Variants in FNDC3B observed in about 807,000 individuals in gnomAD.
The protein encoded by FNDC3B is fibronectin type III domain-containing protein 3B.
A neutral mutation model predicts 151.5 loss-of-function variants in FNDC3B; 12 were observed. The observed-to-expected ratio is 0.08, with a 90% CI of 0.05 to 0.13. The LOEUF is 0.13. Among genes scored for constraint, FNDC3B ranks in the 10% least tolerant of loss-of-function variants. The probability of loss-of-function intolerance (pLI) is 1.00; values close to 1 mark genes in which losing one functional copy is unlikely to be tolerated. For synonymous variants in FNDC3B, 528 were observed against 549.0 expected, an observed-to-expected ratio of 0.96 and a Z score of 0.54; for missense variants, 1,214 against 1,505.3, an observed-to-expected ratio of 0.81 and a Z score of 3.20.
At chr3:172,103,942 CCTT>C (rs1178245822) in intron 1 of FNDC3B, among the ~76,000 whole-genome samples, 4 of 152,170 alleles carry the variant, frequency 2.6e-5, no homozygotes, top group East Asian at 1.9e-4. Flanking sequence ...TATCACCACT[CCTT>C]CTTTCCTTCA....
chr3:172,084,449 C>G (rs1718443897), intron 1 of FNDC3B, among the ~76,000 whole-genome samples: 1 of 84,624 alleles, frequency 1.2e-5, no homozygotes, highest in African/African-American at 4.3e-5. Context: ...GACCTTGTCT[C>G]AAAAAAAAAA....
intron 6 of FNDC3B, among the ~76,000 whole-genome samples, chr3:172,264,777 G>A (rs1371021087): frequency 6.6e-6 from 1 of 152,104 alleles, no homozygotes; most frequent in Non-Finnish European, 1.5e-5. Context: ...TACTTTTGAA[G>A]AAGAAAGTTT....
chr3:172,176,130 C>T (rs1381217420), intron 3 of FNDC3B, among the ~76,000 whole-genome samples: 1 of 152,174 alleles, frequency 6.6e-6, no homozygotes, highest in Non-Finnish European at 1.5e-5. Context: ...GTTGGATTTC[C>T]TATAAACCAA....
At chr3:172,102,909 A>G (rs1719444258) in intron 1 of FNDC3B, among the ~76,000 whole-genome samples, 1 of 152,202 alleles carries the variant, frequency 6.6e-6, no homozygotes, top group Non-Finnish European at 1.5e-5. Flanking sequence ...CTGAAAATCT[A>G]TATTTTCAGT....
At chr3:172,156,712 T>TTC (rs1553767278) in intron 3 of FNDC3B, among the ~76,000 whole-genome samples, 25 of 131,606 alleles carry the variant, frequency 1.9e-4, no homozygotes, top group African/African-American at 6.3e-4. Flanking sequence ...TTTTTTTTTT[T>TTC]CCCCACTGTC....
chr3:172,300,095 T>G (rs1341820326), intron 9 of FNDC3B, among the ~76,000 whole-genome samples: 1 of 152,334 alleles, frequency 6.6e-6, no homozygotes, highest in Non-Finnish European at 1.5e-5. Context: ...AACTTTGGAT[T>G]TTGAGTCAAT....
chr3:172,335,050 C>T lies in FNDC3B; in HGVS notation c.1748C>T (p.Pro583Leu). ...CCTACCAGACCGCTTGTCAAAGGCC[C>T]AGTTACATCTCATGGCTTTAGTGTC... ...GPPTRPLVKG[P>L]VTSHGFSVKW... The change falls in exon 15 of 26, where the codon CCA becomes CTA. Residue 583 changes from proline to leucine, a missense_variant. Pro to Leu is a moderately conservative substitution (Grantham distance 98). Transcript: ENST00000415807. The T allele has an allele frequency of 6.2e-7, 1 of 1,612,396 alleles. No homozygotes were observed. Among genetic ancestry groups the T allele is most frequent in the Non-Finnish European group, 8.5e-7 (1 of 1,179,306 alleles).
Position 172,395,153 on chromosome 3 carries a change from T to A in FNDC3B, c.3304-2011T>A, listed in dbSNP as rs150772018. On this transcript the variant is annotated intron_variant, in intron 25 of 25. Transcript: ENST00000415807. ...AAGCACTTCACAGGTATTAACTCAG[T>A]ACTACTCAGATAGAGTTCCGTTAAT... Among the ~76,000 whole-genome samples, 8 of 152,360 alleles carry A rather than the reference T, an allele frequency of 5.3e-5. No homozygotes were observed. The East Asian group carries it at 1.5e-3, about 29-fold the overall frequency.
At chr3:172,048,865 A>G (rs1220984671) in intron 1 of FNDC3B, among the ~76,000 whole-genome samples, 3 of 152,242 alleles carry the variant, frequency 2.0e-5, no homozygotes, top group Admixed American at 2.0e-4. Flanking sequence ...ACACAAGAAG[A>G]TAAATATTGT....
At chr3:172,121,737 G>A (rs1720556425) in intron 2 of FNDC3B, among the ~76,000 whole-genome samples, 1 of 152,108 alleles carries the variant, frequency 6.6e-6, no homozygotes. Context: ...ATGTATGTAT[G>A]TATGTAAGTA....
chr3:172,281,235 T>G (rs1017688593), intron 6 of FNDC3B, among the ~76,000 whole-genome samples: 33 of 120,912 alleles, frequency 2.7e-4, no homozygotes, highest in Admixed American at 8.6e-4. Context: ...ATTTATTTAT[T>G]TATTTATTTA....
At chr3:172,383,181 T>C (rs1448224053) in intron 25 of FNDC3B, among the ~76,000 whole-genome samples, 1 of 152,226 alleles carries the variant, frequency 6.6e-6, no homozygotes, top group Non-Finnish European at 1.5e-5. Context: ...AAGAGGTCCT[T>C]CACATCCCTT....
At chr3:172,226,569 G>A (rs1486862935) in intron 3 of FNDC3B, among the ~76,000 whole-genome samples, 1 of 152,116 alleles carries the variant, frequency 6.6e-6, no homozygotes, top group Non-Finnish European at 1.5e-5. Context: ...GCCCCACTCT[G>A]TTACACTACT....
At chr3:172,118,478 T>C (rs1395209218) in intron 2 of FNDC3B, among the ~76,000 whole-genome samples, 1 of 152,134 alleles carries the variant, frequency 6.6e-6, no homozygotes, top group Non-Finnish European at 1.5e-5. Context: ...TGTAGAAAAA[T>C]GAATAAACAA....
intron 3 of FNDC3B, among the ~76,000 whole-genome samples, chr3:172,179,187 G>A (rs1226952670): frequency 6.6e-6 from 1 of 151,988 alleles, no homozygotes; most frequent in African/African-American, 2.4e-5. Flanking sequence ...TCAGCCTCCC[G>A]AATAGCTGGG....
rs773828930 is a variant in FNDC3B, at chr3:172,397,425, A to T, written c.3565A>T (p.Thr1189Ser). Residue 1189 changes from threonine to serine, a missense_variant, in exon 26 of 26, where the codon ACT becomes TCT. Physicochemically the swap from Thr to Ser is moderately conservative, Grantham distance 58. Around this residue, in one of 7 missense-constraint regions of FNDC3B, gnomAD observed 284 missense variants for 392.4 expected, o/e 0.72. Transcript: ENST00000415807. ...FAAIIVLGFA[T>S]LSILFAFILQ... is the part of the protein sequence containing the mutation. ...AGCCATCATTGTGCTTGGCTTTGCA[A>T]CTTTGTCCATTTTATTTGCCTTTAT... 1 of 1,613,294 alleles carries T rather than the reference A, an allele frequency of 6.2e-7. No individual in the cohort carries two copies. The highest frequency in any genetic ancestry group is 8.5e-7 in the Non-Finnish European group (1 of 1,179,742).
At chr3:172,374,371 C>A (rs1355610544) in intron 23 of FNDC3B, among the ~76,000 whole-genome samples, 5 of 152,130 alleles carry the variant, frequency 3.3e-5, no homozygotes, top group Non-Finnish European at 5.9e-5. Flanking sequence ...CAGGATTAGC[C>A]TAAGCACTTT....
At chr3:172,088,077 G>A (rs570758577) in intron 1 of FNDC3B, among the ~76,000 whole-genome samples, 6 of 152,016 alleles carry the variant, frequency 3.9e-5, no homozygotes, top group Non-Finnish European at 8.8e-5. Flanking sequence ...TCTTGTTCCT[G>A]GAAAAGCTGA....
intron 3 of FNDC3B, among the ~76,000 whole-genome samples, chr3:172,174,675 C>T (rs1480544914): frequency 6.6e-6 from 1 of 152,066 alleles, no homozygotes; most frequent in Non-Finnish European, 1.5e-5. Context: ...GACAAACAAA[C>T]AGGGGCCTTA....
Sources: gnomAD v4.1 joint callset for allele counts (sites outside exome capture counted in the v4.1 genomes callset) on GRCh38, gnomAD v4.1.1 for gene constraint, gnomAD v4.1.1 regional missense constraint, MANE v1.5 for transcripts, NCBI Gene and HGNC (gene_info 2026-07-23, HGNC 2026-07-21) for gene names.